CEP128: variants seen among roughly 807,000 people sequenced by gnomAD.
CEP128 encodes centrosomal protein 128kDa.
In CEP128, 132 loss-of-function variants were observed where a neutral mutation model predicts 156.7. The ratio of observed to expected loss-of-function variants is 0.84; its 90% CI spans 0.73 to 0.97. The LOEUF (loss-of-function observed/expected upper bound fraction) is 0.97, where lower values mean the gene tolerates loss of function less well. Among genes scored for constraint, CEP128 ranks in the 50% least tolerant of loss-of-function variants. The pLI, the probability that CEP128 is intolerant of heterozygous loss-of-function variation, is 0.00. For synonymous variants in CEP128, 469 were observed against 448.9 expected (o/e 1.04, Z -0.57); for missense variants, 1,252 against 1,281.9 (o/e 0.98, Z 0.36).
intron 19 of CEP128, among the ~76,000 whole-genome samples, chr14:80,626,996 A>G (rs1037317705): frequency 6.6e-6 from 1 of 152,210 alleles, no homozygotes; most frequent in Non-Finnish European, 1.5e-5. Context: ...GGATTTTCTC[A>G]GAGATTAATG....
intron 19 of CEP128, among the ~76,000 whole-genome samples, chr14:80,734,982 A>G (rs1214910482): frequency 6.6e-6 from 1 of 151,876 alleles, no homozygotes; most frequent in African/African-American, 2.4e-5. Context: ...TCTGTGTTCC[A>G]TTTAAGATAA....
chr14:80,880,765 AG>A lies in CEP128; in HGVS notation c.645+14952del, dbSNP rs1888498886. 4.7e-5 allele frequency among the ~76,000 whole-genome samples: 7 copies of A among 150,184 alleles called. No individual in the cohort carries two copies. The South Asian group carries it at 1.5e-3, about 32-fold the overall frequency. The stretch of plus-strand genomic sequence containing the variant: ...GTAGTCCCAGCTACTCGGGAGGCTG[AG>A]GCAGGAGAATGGCGTGAATCTCGGA... On this transcript the variant is annotated intron_variant, in intron 8 of 24. Coordinates refer to ENST00000555265, the MANE Select transcript of CEP128 (RefSeq NM_152446.5).
chr14:80,859,718 C>G (rs1040377600), intron 9 of CEP128, among the ~76,000 whole-genome samples: 1 of 152,012 alleles, frequency 6.6e-6, no homozygotes, highest in African/African-American at 2.4e-5. Context: ...TTCTTTAAAA[C>G]CCCTACAGAA....
chr14:80,839,848 G>A (rs1475171228), intron 10 of CEP128, among the ~76,000 whole-genome samples: 1 of 152,032 alleles, frequency 6.6e-6, no homozygotes, highest in Non-Finnish European at 1.5e-5. Context: ...CTGTTCTTCA[G>A]TCTCTATGGA....
intron 18 of CEP128, among the ~76,000 whole-genome samples, chr14:80,753,732 C>T (rs994791816): frequency 4.6e-5 from 7 of 152,192 alleles, no homozygotes; most frequent in African/African-American, 1.7e-4. Context: ...ATCAGTCTCT[C>T]TGGTGGAAAC....
intron 19 of CEP128, among the ~76,000 whole-genome samples, chr14:80,653,272 G>T (rs766342282): frequency 2.0e-5 from 3 of 152,006 alleles, no homozygotes; most frequent in South Asian, 4.2e-4. Flanking sequence ...ACCATGGCAC[G>T]TTTATACCTA....
At chr14:80,757,383 T>C (rs1431679360) in intron 17 of CEP128, among the ~76,000 whole-genome samples, 1 of 152,192 alleles carries the variant, frequency 6.6e-6, no homozygotes, top group African/African-American at 2.4e-5. Flanking sequence ...CTTCTTTAAT[T>C]TAATAGTAAA....
chr14:80,580,963 C>T (rs1299996049), intron 19 of CEP128, among the ~76,000 whole-genome samples: 2 of 152,086 alleles, frequency 1.3e-5, no homozygotes, highest in Non-Finnish European at 2.9e-5. Context: ...TATTAATTAT[C>T]ATTTCACACT....
chr14:80,677,132 G>T (rs912415480), intron 19 of CEP128, among the ~76,000 whole-genome samples: 28 of 152,164 alleles, frequency 1.8e-4, no homozygotes, highest in Admixed American at 6.5e-5. Flanking sequence ...CAAACTTGGA[G>T]TGTATGTGTA....
At chr14:80,533,682 C>T (rs1403165096) in intron 21 of CEP128, among the ~76,000 whole-genome samples, 2 of 152,120 alleles carry the variant, frequency 1.3e-5, no homozygotes, top group Non-Finnish European at 2.9e-5. Context: ...CCCCCGCTGC[C>T]CCCATCTCCC....
At chr14:80,534,328 A>G (rs529462974) in intron 21 of CEP128, among the ~76,000 whole-genome samples, 1 of 152,320 alleles carries the variant, frequency 6.6e-6, no homozygotes, top group African/African-American at 2.4e-5. Flanking sequence ...TCACAGCCAG[A>G]GAGACAAGAT....
intron 17 of CEP128, among the ~76,000 whole-genome samples, chr14:80,758,073 T>G (rs142333720): frequency 6.6e-6 from 1 of 152,374 alleles, no homozygotes; most frequent in African/African-American, 2.4e-5. Context: ...TCTTTTTCAT[T>G]CATGAATGTC....
At chr14:80,821,304 C>T (rs1363079931) in intron 13 of CEP128, among the ~76,000 whole-genome samples, 1 of 152,114 alleles carries the variant, frequency 6.6e-6, no homozygotes. Flanking sequence ...AAAAAGACTA[C>T]AGGAATAATG....
chr14:80,798,768 G>A (rs1311217290), intron 13 of CEP128, among the ~76,000 whole-genome samples: 3 of 152,146 alleles, frequency 2.0e-5, no homozygotes, highest in Non-Finnish European at 4.4e-5. Flanking sequence ...TACCACACAG[G>A]TGGCAACAAT....
At chr14:80,705,885 A>C (rs1897225709) in intron 19 of CEP128, among the ~76,000 whole-genome samples, 1 of 152,112 alleles carries the variant, frequency 6.6e-6, no homozygotes, top group Non-Finnish European at 1.5e-5. Flanking sequence ...CAGCCTTCAA[A>C]TCTTCCAAAT....
intron 23 of CEP128, among the ~76,000 whole-genome samples, chr14:80,510,744 T>C (rs1888206249): frequency 6.6e-6 from 1 of 152,080 alleles, no homozygotes; most frequent in African/African-American, 2.4e-5. Context: ...CTGTCATATA[T>C]AACTTTTATG....
chr14:80,488,836 G>A (rs1202919980), downstream of CEP128, among the ~76,000 whole-genome samples: 4 of 152,000 alleles, frequency 2.6e-5, no homozygotes, highest in African/African-American at 9.7e-5. Context: ...CCTTTGTAGG[G>A]ACATGGATGA....
At chr14:80,852,322 T>A (rs1235113157) in intron 9 of CEP128, among the ~76,000 whole-genome samples, 6 of 151,838 alleles carry the variant, frequency 4.0e-5, no homozygotes, top group Non-Finnish European at 5.9e-5. Context: ...AAGTTTTGAG[T>A]TATAGAGAAA....
rs1261854963 is a variant in CEP128 at position 80,910,452 on chromosome 14, T to C, written c.234+3870A>G. Among the ~76,000 whole-genome samples the C allele has an allele frequency of 2.0e-5, 3 of 152,252 alleles. No homozygotes were observed. The East Asian group carries it at 5.8e-4, about 29-fold the overall frequency. On this transcript the variant is annotated intron_variant, in intron 4 of 24. Transcript: ENST00000555265. ...ATAGTGAGTGAGTTATCATGAGATC[T>C]GGTTGTTTAAAAGTGTGTAGCACCT...
Sources: gnomAD v4.1 joint callset for allele counts (sites outside exome capture counted in the v4.1 genomes callset) on GRCh38, gnomAD v4.1.1 for gene constraint, MANE v1.5 for transcripts, NCBI Gene and HGNC (gene_info 2026-07-23, HGNC 2026-07-21) for gene names.